The following FSTL4 variants were observed in gnomAD, a reference collection of about 807,000 sequenced individuals.
FSTL4 encodes the protein follistatin-related protein 4.
In FSTL4, 28 loss-of-function variants were observed where a neutral mutation model predicts 78.2. The ratio of observed to expected loss-of-function variants is 0.36; its 90% CI spans 0.27 to 0.49. FSTL4 has a LOEUF of 0.49. FSTL4 is among the 20% of genes least tolerant of loss of function. The probability of loss-of-function intolerance (pLI) is 0.98; values close to 1 mark genes in which losing one functional copy is unlikely to be tolerated. For missense variants in FSTL4, 922 were observed against 1,084.9 expected, an observed-to-expected ratio of 0.85 and a Z score of 2.11; for synonymous variants, 422 against 440.5, an observed-to-expected ratio of 0.96 and a Z score of 0.53.
intron 4 of FSTL4, among the ~76,000 whole-genome samples, chr5:133,345,395 T>C (rs578219401): frequency 1.4e-4 from 21 of 152,326 alleles, no homozygotes; most frequent in Non-Finnish European, 2.9e-4. Context: ...TGATGATAGT[T>C]TCTTTTGCTG....
At chr5:133,264,820 A>C (rs1196779157) in intron 6 of FSTL4, among the ~76,000 whole-genome samples, 1 of 152,148 alleles carries the variant, frequency 6.6e-6, no homozygotes, top group Non-Finnish European at 1.5e-5. Flanking sequence ...CTCCTCTGCC[A>C]TCTGTCAGTT....
At position 133,490,448 on chromosome 5, in the gene FSTL4, G is replaced by A. The variant is rs1359452683; in HGVS notation, c.160+76738C>T. Among the ~76,000 whole-genome samples, 4 of 150,960 alleles carry A rather than the reference G, an allele frequency of 2.6e-5. 1 individual carries two copies. Among genetic ancestry groups the A allele is most frequent in the African/African-American group, 7.3e-5 (3 of 40,982 alleles). Reference sequence around the variant, plus strand: ...GCTTCTTTATTTTCTATTAAGGCACGCTCTTTTCTTTATTATTTTTAAAGT... The same window carrying A: ...GCTTCTTTATTTTCTATTAAGGCACACTCTTTTCTTTATTATTTTTAAAGT... On this transcript the variant is annotated intron_variant, in intron 3 of 15. Coordinates refer to ENST00000265342, the MANE Select transcript of FSTL4 (RefSeq NM_015082.2).
At chr5:133,513,688 C>G (rs1758787515) in intron 3 of FSTL4, among the ~76,000 whole-genome samples, 1 of 152,160 alleles carries the variant, frequency 6.6e-6, no homozygotes, top group African/African-American at 2.4e-5. Context: ...GGGAATGGAT[C>G]ACTTCTTTTT....
chr5:133,444,833 C>T (rs1227612368), intron 3 of FSTL4, among the ~76,000 whole-genome samples: 3 of 152,196 alleles, frequency 2.0e-5, no homozygotes, highest in Non-Finnish European at 2.9e-5. Context: ...GCCCCTCACC[C>T]ACTCCACTAA....
At chr5:133,294,150 C>A (rs1753332279) in intron 6 of FSTL4, among the ~76,000 whole-genome samples, 2 of 152,160 alleles carry the variant, frequency 1.3e-5, no homozygotes, top group Non-Finnish European at 2.9e-5. Flanking sequence ...CCATGGCGTT[C>A]TTTTGGCAAC....
At chr5:133,632,472 T>C in the FSTL4 span, among the ~76,000 whole-genome samples, 1 of 152,220 alleles carries the variant, frequency 6.6e-6, no homozygotes. Context: ...TTTAGAAAAC[T>C]TCCTTTAGAC....
intron 2 of FSTL4, among the ~76,000 whole-genome samples, chr5:133,579,996 T>G (rs1760367099): frequency 6.6e-6 from 1 of 152,146 alleles, no homozygotes; most frequent in Non-Finnish European, 1.5e-5. Context: ...GGCGTCTGAT[T>G]GGGATAAGCT....
chr5:133,581,679 C>T (rs773015980), intron 2 of FSTL4, among the ~76,000 whole-genome samples: 7 of 152,246 alleles, frequency 4.6e-5, no homozygotes, highest in Non-Finnish European at 1.0e-4. Context: ...CATAGGCTAA[C>T]CCAGCAGTTC....
intron 6 of FSTL4, among the ~76,000 whole-genome samples, chr5:133,290,956 C>T (rs1753249506): frequency 6.6e-6 from 1 of 152,244 alleles, no homozygotes; most frequent in African/African-American, 2.4e-5. Flanking sequence ...TGCTGGGCTT[C>T]CCACTCTTGT....
chr5:133,561,748 C>A (rs185770474), intron 3 of FSTL4, among the ~76,000 whole-genome samples: 13 of 152,268 alleles, frequency 8.5e-5, no homozygotes, highest in Admixed American at 5.9e-4. Context: ...TTACTATCCG[C>A]ATCCTTTTTC....
chr5:133,548,953 C>A (rs1338784569), intron 3 of FSTL4, among the ~76,000 whole-genome samples: 1 of 152,144 alleles, frequency 6.6e-6, no homozygotes, highest in Non-Finnish European at 1.5e-5. Context: ...CCAATGCTTT[C>A]TGATTTCTAC....
chr5:133,319,743 C>A (rs1167619681), intron 4 of FSTL4, among the ~76,000 whole-genome samples: 1 of 152,210 alleles, frequency 6.6e-6, no homozygotes, highest in Admixed American at 6.5e-5. Flanking sequence ...CATGCCTGGG[C>A]CAAGCTTGCC....
intron 4 of FSTL4, among the ~76,000 whole-genome samples, chr5:133,384,270 C>G (rs1457143006): frequency 6.6e-6 from 1 of 152,248 alleles, no homozygotes; most frequent in Non-Finnish European, 1.5e-5. Flanking sequence ...GAGAATCACA[C>G]TCTGACTTCG....
At chr5:133,401,054 T>C in intron 3 of FSTL4, 68 bp from the exon 4 acceptor site, 1 of 1,564,832 alleles carries the variant, frequency 6.4e-7, no homozygotes, top group Non-Finnish European at 8.7e-7. Context: ...AGGGCTTCCT[T>C]TGTAGCTCAC....
chr5:133,212,223 A>G (rs1750755594), intron 13 of FSTL4, among the ~76,000 whole-genome samples: 1 of 152,164 alleles, frequency 6.6e-6, no homozygotes, highest in Non-Finnish European at 1.5e-5. Flanking sequence ...ACTTCCCTCA[A>G]GTTTGGACTT....
intron 4 of FSTL4, among the ~76,000 whole-genome samples, chr5:133,318,434 G>C (rs1465393626): frequency 6.6e-6 from 1 of 152,200 alleles, no homozygotes; most frequent in East Asian, 1.9e-4. Context: ...CCTGAGTCTA[G>C]CTCCTCACTC....
chr5:133,752,959 AAAC>A, the FSTL4 span, among the ~76,000 whole-genome samples: 13 of 152,202 alleles, frequency 8.5e-5, no homozygotes, highest in Admixed American at 4.6e-4. Context: ...AGAAAAGAAA[AAAC>A]AAGACCTCTT....
At chr5:133,631,994 G>A in the FSTL4 span, among the ~76,000 whole-genome samples, 1 of 151,680 alleles carries the variant, frequency 6.6e-6, no homozygotes, top group African/African-American at 2.4e-5. Flanking sequence ...ACCGGGGTCT[G>A]TTGTGGGGTG....
chr5:133,668,141 A>G, the FSTL4 span, among the ~76,000 whole-genome samples: 1 of 152,208 alleles, frequency 6.6e-6, no homozygotes, highest in Non-Finnish European at 1.5e-5. Context: ...TGCTGCACAC[A>G]GCATGCTGGA....
Sources: gnomAD v4.1 joint callset for allele counts (sites outside exome capture counted in the v4.1 genomes callset) on GRCh38, gnomAD v4.1.1 for gene constraint, MANE v1.5 for transcripts, NCBI Gene and HGNC (gene_info 2026-07-23, HGNC 2026-07-21) for gene names.